Variants in GTPBP6 observed in about 807,000 individuals in gnomAD.
GTPBP6 encodes the protein putative GTP-binding protein 6.
In GTPBP6, 33 loss-of-function variants were observed where a neutral mutation model predicts 28.9. That is an observed-to-expected ratio of 1.14 (90% CI 0.87 to 1.53). The LOEUF (loss-of-function observed/expected upper bound fraction) is 1.53, where lower values mean the gene tolerates loss of function less well. Among genes scored for constraint, GTPBP6 ranks in the 40% most tolerant of loss-of-function variants. The pLI is 0.00. For synonymous variants in GTPBP6, 231 were observed against 192.7 expected (o/e 1.20, Z -1.65); for missense variants, 507 against 408.3 (o/e 1.24, Z -2.08).
chrX:306,323 T>G (rs2070163381), intron 9 of GTPBP6, among the ~76,000 whole-genome samples: 1 of 150,318 alleles, frequency 6.7e-6, no homozygotes, highest in Non-Finnish European at 1.5e-5. Context: ...ACATTTTGAC[T>G]GTCAGTGCAG....
chrX:306,192 AGT>A (rs1364261920), intron 9 of GTPBP6, among the ~76,000 whole-genome samples: 1 of 151,946 alleles, frequency 6.6e-6, no homozygotes, highest in Non-Finnish European at 1.5e-5. Flanking sequence ...TGTTGTATGC[AGT>A]CAGAAATGTA....
chrX:314,267 C>T (rs1569354005), intron 4 of GTPBP6, 50 bp from the exon 5 acceptor site: 9 of 1,474,464 alleles, frequency 6.1e-6, no homozygotes, highest in South Asian at 1.1e-5. Flanking sequence ...TGTCTCCCTC[C>T]CGGCAGAGGT....
chrX:306,928 A>G (rs1438618704), intron 9 of GTPBP6, among the ~76,000 whole-genome samples: 5 of 143,442 alleles, frequency 3.5e-5, no homozygotes, highest in Non-Finnish European at 7.5e-5. Flanking sequence ...TGTTGTATGC[A>G]GTCAGAAATG....
chrX:311,276 TGGGCTGAGTGGGTGTCCGAGGGCCCG>T, intron 7 of GTPBP6, 117 bp downstream of exon 7: 1 of 294,300 alleles, frequency 3.4e-6, no homozygotes. Context: ...GCCTGGCCCC[TGGGCTGAGTGGGTGTCCGAGGGCCCG>T]GCCCCTGGGC....
At chrX:311,509 G>A in exon 7 of GTPBP6, 1 of 1,612,322 alleles carries the variant, frequency 6.2e-7, no homozygotes. Context: ...CCACGTACAG[G>A]ACGGTCATGC....
At chrX:312,433 A>G in intron 6 of GTPBP6, 1 of 543,584 alleles carries the variant, frequency 1.8e-6, no homozygotes, top group South Asian at 1.5e-5. Flanking sequence ...GGCAGTGGGG[A>G]TGGTCTAGAC....
At chrX:304,905 T>C (rs1446672754) in exon 10 of GTPBP6, 14 of 1,448,826 alleles carry the variant, frequency 9.7e-6, no homozygotes, top group Non-Finnish European at 1.3e-5. Flanking sequence ...TGCGGCCGTG[T>C]CACCGGCCTG....
intron 7 of GTPBP6, among the ~76,000 whole-genome samples, chrX:310,391 G>C (rs1419727286): frequency 1.5e-5 from 2 of 131,284 alleles, no homozygotes; most frequent in East Asian, 2.1e-4. Context: ...AGGCAGGAAG[G>C]ACCCTCCCCT....
intron 7 of GTPBP6, 103 bp downstream of exon 7, chrX:311,313 TGAG>T (rs2070288006): frequency 1.0e-5 from 6 of 589,400 alleles, no homozygotes; most frequent in Admixed American, 3.5e-5. Flanking sequence ...GCCCCTGGGC[TGAG>T]TGGGTGTCCG....
At chrX:306,300 C>T (rs1335056610) in intron 9 of GTPBP6, among the ~76,000 whole-genome samples, 1 of 148,506 alleles carries the variant, frequency 6.7e-6, no homozygotes, top group Non-Finnish European at 1.5e-5. Flanking sequence ...GTTGTATGCA[C>T]AGTCAGAAAT....
At chrX:316,754 C>G (rs1475781517) in intron 2 of GTPBP6, among the ~76,000 whole-genome samples, 160 bp downstream of exon 2, 2 of 152,128 alleles carry the variant, frequency 1.3e-5, no homozygotes, top group East Asian at 3.9e-4. Flanking sequence ...TCCTCCGACT[C>G]CTACTGGCGT....
intron 4 of GTPBP6, among the ~76,000 whole-genome samples, chrX:314,443 C>T (rs756104130): frequency 6.6e-6 from 1 of 151,750 alleles, no homozygotes; most frequent in African/African-American, 2.4e-5. Context: ...GGGCAACGGG[C>T]CCCGGAGAGA....
chrX:314,170 G>A (rs763052675), exon 5 of GTPBP6: 29 of 1,612,790 alleles, frequency 1.8e-5, no homozygotes, highest in Admixed American at 1.5e-4. Flanking sequence ...GATGTAGCGC[G>A]AGCCGACTCC....
At chrX:307,668 TC>T in intron 8 of GTPBP6, 63 bp downstream of exon 8, 1 of 1,439,644 alleles carries the variant, frequency 6.9e-7, no homozygotes, top group Non-Finnish European at 9.2e-7. Context: ...ACGGGGCATC[TC>T]CCCACCCGGC....
rs776970265 is a variant in GTPBP6 at position 305,525 on chromosome X, G to GTTA, written c.1428-331_1428-329dup. Reference sequence around the variant, plus strand: ...TTTAGTAGAGACGGGGTTTCACCGTGTTAGCCAGGATGGTCTCGATCTCCT... The same window carrying GTTA: ...TTTAGTAGAGACGGGGTTTCACCGTGTTATTAGCCAGGATGGTCTCGATCTCCT... On this transcript the variant is annotated intron_variant, in intron 9 of 9. Transcript: ENST00000326153. Among the ~76,000 whole-genome samples the GTTA allele has an allele frequency of 2.6e-3, 389 of 151,412 alleles. 3 individuals carry two copies. The highest frequency in any genetic ancestry group is 0.01 in the Middle Eastern group (3 of 292).
intron 9 of GTPBP6, 108 bp from the exon 10 acceptor site, chrX:305,305 G>T: frequency 1.2e-6 from 1 of 834,624 alleles, no homozygotes; most frequent in Non-Finnish European, 2.0e-6. Flanking sequence ...CCATTCATCA[G>T]ACCGTCCTGT....
intron 4 of GTPBP6, 75 bp from the exon 5 acceptor site, chrX:314,292 A>AGGG: frequency 8.1e-7 from 1 of 1,237,870 alleles, no homozygotes; most frequent in Non-Finnish European, 1.2e-6. Flanking sequence ...GTGAAGGTGA[A>AGGG]GGGGGCACTG....
chrX:318,569 C>T (rs1177759833), exon 1 of GTPBP6: 7 of 398,282 alleles, frequency 1.8e-5, no homozygotes, highest in Non-Finnish European at 3.1e-5. Flanking sequence ...CCGCATCTTC[C>T]GGCTCCTCCT....
At chrX:311,424 G>A in exon 7 of GTPBP6, 3 of 1,332,824 alleles carry the variant, frequency 2.3e-6, no homozygotes, top group Non-Finnish European at 2.9e-6. Flanking sequence ...CTCACCGAGT[G>A]GGCCACGTCT....
Sources: gnomAD v4.1 joint callset for allele counts (sites outside exome capture counted in the v4.1 genomes callset) on GRCh38, gnomAD v4.1.1 for gene constraint, MANE v1.5 for transcripts, NCBI Gene and HGNC (gene_info 2026-07-23, HGNC 2026-07-21) for gene names.